The following TSPAN15 variants were observed in gnomAD, a reference collection of about 807,000 sequenced individuals.
TSPAN15 encodes the protein tetraspanin-15.
TSPAN15 carries 20 observed loss-of-function variants against 34.5 expected under a neutral mutation model. That is an observed-to-expected ratio of 0.58 (90% CI 0.41 to 0.84). TSPAN15 has a LOEUF of 0.84. TSPAN15 is among the 40% of genes least tolerant of loss of function. The pLI is 0.00. For missense variants in TSPAN15, 313 were observed against 386.1 expected, an observed-to-expected ratio of 0.81 and a Z score of 1.59; for synonymous variants, 155 against 153.9, an observed-to-expected ratio of 1.01 and a Z score of -0.05.
chr10:69,477,808 T>C (rs1841648361), intron 1 of TSPAN15, among the ~76,000 whole-genome samples: 1 of 152,200 alleles, frequency 6.6e-6, no homozygotes, highest in Admixed American at 6.5e-5. Context: ...GAATCCTGAC[T>C]GTCTCATGGG....
At chr10:69,549,425 G>A in the TSPAN15 span, among the ~76,000 whole-genome samples, 2 of 152,182 alleles carry the variant, frequency 1.3e-5, no homozygotes, top group African/African-American at 4.8e-5. Context: ...GGATAATGGT[G>A]TGGGGATCCA....
At chr10:69,474,892 G>T (rs1268089910) in intron 1 of TSPAN15, among the ~76,000 whole-genome samples, 1 of 152,160 alleles carries the variant, frequency 6.6e-6, no homozygotes, top group East Asian at 1.9e-4. Context: ...GGTGCATCCG[G>T]GAGCACTGTC....
Position 69,495,540 on chromosome 10 carries a change from T to G in TSPAN15, c.358-54T>G, listed in dbSNP as rs939257192. Reference sequence around the variant, plus strand: ...ATCCAGGCTTCTGGAAAACCTTGGGTTGGACTCCGGGAGTGTGTGGTTCTT... The same window carrying G: ...ATCCAGGCTTCTGGAAAACCTTGGGGTGGACTCCGGGAGTGTGTGGTTCTT... On this transcript the variant is annotated intron_variant, in intron 3 of 7. Transcript: ENST00000373290. 1.1e-5 allele frequency: 15 copies of G among 1,376,014 alleles called. No homozygotes were observed. In the East Asian group the frequency reaches 2.3e-4, roughly 21 times the overall value. 85.2% of individuals were successfully genotyped at this position (1,376,014 alleles called of 1,614,324 possible). A position where few individuals can be genotyped will look rare whatever the true frequency, so the allele number is the denominator to read the frequency against.
At chr10:69,545,704 C>G in the TSPAN15 span, among the ~76,000 whole-genome samples, 4 of 152,176 alleles carry the variant, frequency 2.6e-5, no homozygotes, top group Non-Finnish European at 5.9e-5. Context: ...CGCCTGTGAT[C>G]CCAGCACTTT....
At chr10:69,539,482 G>GAGAAGGAGA in the TSPAN15 span, among the ~76,000 whole-genome samples, 13 of 67,048 alleles carry the variant, frequency 1.9e-4, no homozygotes, top group African/African-American at 6.2e-4. Flanking sequence ...GAAGGAGAAG[G>GAGAAGGAGA]AGAAGAAGAA....
intron 1 of TSPAN15, 146 bp from the exon 2 acceptor site, chr10:69,483,545 A>G: frequency 1.2e-6 from 1 of 804,284 alleles, no homozygotes; most frequent in Non-Finnish European, 1.9e-6. Flanking sequence ...TTGGGGAAAC[A>G]CAGTTCAGCC....
At chr10:69,501,913 G>A (rs953489216) in intron 5 of TSPAN15, among the ~76,000 whole-genome samples, 1 of 152,154 alleles carries the variant, frequency 6.6e-6, no homozygotes, top group Non-Finnish European at 1.5e-5. Flanking sequence ...TGCTCCTTAT[G>A]AGAATCAAAC....
Position 69,507,028 on chromosome 10 carries a change from T to G in TSPAN15, c.*50T>G. ...AACAAGGACCGTCTGGGATAGCACCTCTCAGTCAACATCGTGGGGCTGGAC... is the reference window on the plus strand; with the variant it reads ...AACAAGGACCGTCTGGGATAGCACCGCTCAGTCAACATCGTGGGGCTGGAC... On this transcript the variant is annotated 3_prime_UTR_variant, in exon 8 of 8. Transcript: ENST00000373290. 6.3e-7 allele frequency: 1 copy of G among 1,586,870 alleles called. No individual in the cohort carries two copies. Among genetic ancestry groups the G allele is most frequent in the Non-Finnish European group, 8.6e-7 (1 of 1,168,064 alleles).
downstream of TSPAN15, among the ~76,000 whole-genome samples, chr10:69,509,817 A>G (rs900619782): frequency 6.6e-6 from 1 of 152,158 alleles, no homozygotes; most frequent in Non-Finnish European, 1.5e-5. Flanking sequence ...GCCAGTTTTC[A>G]CTACACCATT....
intron 1 of TSPAN15, among the ~76,000 whole-genome samples, chr10:69,452,106 G>C (rs1291688387): frequency 6.6e-6 from 1 of 152,242 alleles, no homozygotes; most frequent in Non-Finnish European, 1.5e-5. Flanking sequence ...CTGGATTCCG[G>C]GTCTGGTCCC....
At chr10:69,479,815 GC>G (rs1334488405) in intron 1 of TSPAN15, among the ~76,000 whole-genome samples, 3 of 152,216 alleles carry the variant, frequency 2.0e-5, no homozygotes, top group Non-Finnish European at 2.9e-5. Flanking sequence ...GGCCAGAGAG[GC>G]CTGTGCTGTA....
At chr10:69,488,988 C>T (rs1003997303) in intron 3 of TSPAN15, among the ~76,000 whole-genome samples, 1 of 152,144 alleles carries the variant, frequency 6.6e-6, no homozygotes, top group African/African-American at 2.4e-5. Flanking sequence ...AGTCTGAACT[C>T]AAATTTACCA....
At chr10:69,496,511 T>G (rs777871676) in intron 4 of TSPAN15, among the ~76,000 whole-genome samples, 50 of 152,138 alleles carry the variant, frequency 3.3e-4, no homozygotes, top group Non-Finnish European at 6.6e-4. Flanking sequence ...TACCTTGACT[T>G]AATTCAGGAG....
intron 1 of TSPAN15, among the ~76,000 whole-genome samples, chr10:69,461,736 G>A (rs1408191606): frequency 1.4e-5 from 2 of 147,432 alleles, no homozygotes; most frequent in Non-Finnish European, 3.0e-5. Context: ...GTGGCAGATT[G>A]GGACCATCCC....
rs1840965114 is a variant in TSPAN15, at chr10:69,451,515, A to G, written c.-80A>G. 1 of 1,279,030 alleles carries G rather than the reference A, an allele frequency of 7.8e-7. No individual in the cohort carries two copies. Among genetic ancestry groups the G allele is most frequent in the Non-Finnish European group, 9.9e-7 (1 of 1,010,854 alleles). The allele number at this position is 1,279,030 out of a possible 1,614,324, so 79.2% of individuals were successfully genotyped here. A position where few individuals can be genotyped will look rare whatever the true frequency, so the allele number is the denominator to read the frequency against. ...GCGGGGCTGGTAGCCCGGCAGCCGCAGGTGGGGCCACGAGCGCTGGCTGAG... is the reference window on the plus strand; with the variant it reads ...GCGGGGCTGGTAGCCCGGCAGCCGCGGGTGGGGCCACGAGCGCTGGCTGAG... On this transcript the variant is annotated 5_prime_UTR_variant, in exon 1 of 8. Coordinates refer to ENST00000373290, the MANE Select transcript of TSPAN15 (RefSeq NM_012339.5).
chr10:69,504,472 C>G lies in TSPAN15; in HGVS notation c.605C>G (p.Thr202Ser). The G allele has an allele frequency of 6.2e-7, 1 of 1,614,092 alleles. No individual in the cohort carries two copies. The highest frequency in any genetic ancestry group is 1.3e-5 in the African/African-American group (1 of 75,040). ...EVVNTMCGYK[T>S]IDKERFSVQD... ...GTCAACACCATGTGTGGCTACAAAA[C>G]TATCGACAAGGAGGTAATGTCTTTG... is the stretch of plus-strand genomic sequence containing the variant. Residue 202 changes from threonine to serine, a missense_variant, in exon 6 of 8, where the codon ACT becomes AGT. Thr to Ser is a moderately conservative substitution (Grantham distance 58). Transcript: ENST00000373290.
chr10:69,467,191 G>T lies in TSPAN15; in HGVS notation c.96+15501G>T, dbSNP rs189446683. Among the ~76,000 whole-genome samples, 317 of 152,264 alleles carry T rather than the reference G, an allele frequency of 2.1e-3. 1 individual carries two copies. The highest frequency in any genetic ancestry group is 7.1e-3 in the African/African-American group (296 of 41,540). The stretch of plus-strand genomic sequence containing the variant: ...AGGCCTCTTCCCCATGCAGTGAGGG[G>T]CATGTTCTAAAGCCCTCGGCACCCT... On this transcript the variant is annotated intron_variant, in intron 1 of 7. Transcript: ENST00000373290.
intron 1 of TSPAN15, among the ~76,000 whole-genome samples, chr10:69,473,770 G>A (rs1192882177): frequency 6.6e-6 from 1 of 152,102 alleles, no homozygotes; most frequent in Non-Finnish European, 1.5e-5. Flanking sequence ...TTGGAGACAT[G>A]AGCCCTTGGA....
In TSPAN15 at chr10:69,507,208, C is replaced by T; in HGVS notation, c.*230C>T. The T allele has an allele frequency of 1.4e-6, 2 of 1,408,426 alleles. No individual in the cohort carries two copies. The highest frequency in any genetic ancestry group is 1.8e-6 in the Non-Finnish European group (2 of 1,086,626). The allele number at this position is 1,408,426 out of a possible 1,614,324, so 87.2% of individuals were successfully genotyped here. On this transcript the variant is annotated 3_prime_UTR_variant, in exon 8 of 8. Transcript: ENST00000373290. The stretch of plus-strand genomic sequence containing the variant: ...AGGCAGCTCTGGAATCTGTGCCCAC[C>T]TGGGGCCTGGGGAACAAGGCCCTCC...
Sources: allele counts gnomAD v4.1 joint callset (sites outside exome capture counted in the v4.1 genomes callset), GRCh38; gene constraint gnomAD v4.1.1; transcripts MANE v1.5; gene names NCBI Gene and HGNC (gene_info 2026-07-23, HGNC 2026-07-21).